GMDS: variants seen among roughly 807,000 people sequenced by gnomAD.
GMDS encodes GDP-mannose 4,6 dehydratase.
Under a neutral mutation model 49.9 loss-of-function variants are expected in GMDS, and 20 were observed. The observed-to-expected ratio is 0.40, with a 90% CI of 0.28 to 0.58. The LOEUF is 0.58. Ranked by LOEUF, GMDS falls within the 20% of genes least tolerant of loss-of-function variation. GMDS has a pLI of 0.42. For synonymous variants in GMDS, 177 were observed against 178.6 expected (o/e 0.99, Z 0.07); for missense variants, 362 against 481.4 (o/e 0.75, Z 2.32).
intron 1 of GMDS, among the ~76,000 whole-genome samples, chr6:2,240,320 A>G (rs901031070): frequency 1.3e-5 from 2 of 152,218 alleles, no homozygotes; most frequent in African/African-American, 4.8e-5. Context: ...TGTTAACACT[A>G]TGGAGGGAAG....
intron 1 of GMDS, among the ~76,000 whole-genome samples, chr6:2,184,328 A>G (rs1778684340): frequency 6.6e-6 from 1 of 152,216 alleles, no homozygotes; most frequent in Admixed American, 6.5e-5. Flanking sequence ...AACTGGCACT[A>G]AGAATAAAAC....
chr6:1,698,175 G>C (rs548063625), intron 9 of GMDS, among the ~76,000 whole-genome samples: 4 of 152,334 alleles, frequency 2.6e-5, no homozygotes, highest in Admixed American at 2.6e-4. Flanking sequence ...CTCCTGGGGA[G>C]ATTAAAGCCC....
At chr6:2,106,303 C>G (rs576979259) in intron 4 of GMDS, among the ~76,000 whole-genome samples, 109 of 152,188 alleles carry the variant, frequency 7.2e-4, no homozygotes, top group South Asian at 4.3e-3. Flanking sequence ...ATTTTTTGAA[C>G]TAGAAAAGAT....
At chr6:2,090,282 T>C (rs894944969) in intron 4 of GMDS, among the ~76,000 whole-genome samples, 3 of 152,336 alleles carry the variant, frequency 2.0e-5, no homozygotes, top group South Asian at 2.1e-4. Flanking sequence ...GCCATGGAAA[T>C]ACCTGGTCCC....
At chr6:2,162,494 C>A (rs186333077) in intron 1 of GMDS, among the ~76,000 whole-genome samples, 3 of 152,136 alleles carry the variant, frequency 2.0e-5, no homozygotes, top group Non-Finnish European at 4.4e-5. Flanking sequence ...TACTTGTCTG[C>A]TAAAAGGAAG....
At chr6:2,020,071 T>G (rs1768179522) in intron 4 of GMDS, among the ~76,000 whole-genome samples, 2 of 152,212 alleles carry the variant, frequency 1.3e-5, no homozygotes, top group African/African-American at 4.8e-5. Flanking sequence ...TGCTTCTTGA[T>G]ATTTGAAACC....
chr6:1,990,461 A>G (rs1420273081), intron 4 of GMDS, among the ~76,000 whole-genome samples: 1 of 152,178 alleles, frequency 6.6e-6, no homozygotes, highest in Non-Finnish European at 1.5e-5. Flanking sequence ...TGTTGTCTCC[A>G]CTTTCTTTCA....
chr6:2,197,885 T>C (rs1279429194), intron 1 of GMDS, among the ~76,000 whole-genome samples: 1 of 152,200 alleles, frequency 6.6e-6, no homozygotes. Flanking sequence ...CTGTCATTCA[T>C]TTCCTCAAGC....
chr6:1,766,751 CA>C lies in GMDS; in HGVS notation c.772-24166del, dbSNP rs1196943590. On this transcript the variant is annotated intron_variant, in intron 7 of 10. Coordinates refer to ENST00000380815, the MANE Select transcript of GMDS (RefSeq NM_001500.4). This position sits in a 1 kb window ranked among gnomAD's most constrained non-coding sequence, Gnocchi z 4.5. ...GATCTGCTTACACGGAGGAGCTGCA[CA>C]TCGAACATGCTAAAAACTGCGTTAT... is the stretch of plus-strand genomic sequence containing the variant. Among the ~76,000 whole-genome samples, 2 of 152,196 alleles carry C rather than the reference CA, an allele frequency of 1.3e-5. No homozygotes were observed. Among genetic ancestry groups the C allele is most frequent in the Non-Finnish European group, 2.9e-5 (2 of 68,042 alleles).
chr6:1,703,361 C>A (rs1239879988), intron 9 of GMDS, among the ~76,000 whole-genome samples: 1 of 152,124 alleles, frequency 6.6e-6, no homozygotes, highest in African/African-American at 2.4e-5. Flanking sequence ...CTGACTTCAC[C>A]TTTCTTATCT....
chr6:1,919,150 TA>T (rs1461284238), intron 7 of GMDS, among the ~76,000 whole-genome samples: 1 of 152,186 alleles, frequency 6.6e-6, no homozygotes, highest in Non-Finnish European at 1.5e-5. Context: ...GAGGGATGAT[TA>T]AAGATAAAGA....
chr6:1,789,273 C>T (rs1014800236), intron 7 of GMDS, among the ~76,000 whole-genome samples: 6 of 152,198 alleles, frequency 3.9e-5, no homozygotes, highest in African/African-American at 1.4e-4. Context: ...ATAGTCATGA[C>T]TGACTGAACC....
chr6:2,117,821 T>A (rs1162935486), intron 2 of GMDS, among the ~76,000 whole-genome samples: 30 of 152,230 alleles, frequency 2.0e-4, no homozygotes, highest in Admixed American at 2.0e-3. Flanking sequence ...GATACTCAAA[T>A]GTCTCCTTTT....
At chr6:2,044,242 A>G (rs1317873836) in intron 4 of GMDS, among the ~76,000 whole-genome samples, 2 of 152,244 alleles carry the variant, frequency 1.3e-5, no homozygotes, top group African/African-American at 2.4e-5. Flanking sequence ...AAATAACTCT[A>G]TCATAAAGAC....
chr6:1,784,253 G>A (rs1421435897), intron 7 of GMDS, among the ~76,000 whole-genome samples: 4 of 151,826 alleles, frequency 2.6e-5, no homozygotes, highest in Non-Finnish European at 4.4e-5. Context: ...TTGGCTGGGT[G>A]TGGTGGCGGG....
At chr6:1,997,913 C>T (rs115499599) in intron 4 of GMDS, among the ~76,000 whole-genome samples, 306 of 152,236 alleles carry the variant, frequency 2.0e-3, no homozygotes, top group Non-Finnish European at 3.6e-3. Flanking sequence ...GCAGGGGAAA[C>T]GGCCTTTCCT....
At chr6:2,231,765 T>C (rs1276553914) in intron 1 of GMDS, among the ~76,000 whole-genome samples, 1 of 152,112 alleles carries the variant, frequency 6.6e-6, no homozygotes, top group Non-Finnish European at 1.5e-5. Flanking sequence ...TCAGTTCCAC[T>C]CTAGATCATT....
rs57703722 is a variant in GMDS, at chr6:1,652,655, T to G, written c.988-28115A>C. 6.4e-4 allele frequency among the ~76,000 whole-genome samples: 2 copies of G among 3,122 alleles called. 1 individual carries two copies. The highest frequency in any genetic ancestry group is 0.011 in the East Asian group (2 of 178). 2.0% of individuals were successfully genotyped at this position (3,122 alleles called of 152,430 possible). Reference sequence around the variant, plus strand: ...ATATAATATATATAATATATATTATTTATATATAATATATATAATATATAT... The same window carrying G: ...ATATAATATATATAATATATATTATGTATATATAATATATATAATATATAT... On this transcript the variant is annotated intron_variant, in intron 9 of 10. Transcript: ENST00000380815.
chr6:1,927,654 T>C (rs1361487308), intron 7 of GMDS, among the ~76,000 whole-genome samples: 2 of 152,166 alleles, frequency 1.3e-5, no homozygotes, highest in Non-Finnish European at 2.9e-5. Context: ...TTGGGAAGTG[T>C]TGTGCCCAGA....
Sources: gnomAD v4.1 joint callset for allele counts (sites outside exome capture counted in the v4.1 genomes callset) on GRCh38, gnomAD v4.1.1 for gene constraint, Gnocchi (gnomAD v3.1) non-coding constraint, MANE v1.5 for transcripts, NCBI Gene and HGNC (gene_info 2026-07-23, HGNC 2026-07-21) for gene names.